FHIT: variants seen among roughly 807,000 people sequenced by gnomAD.
FHIT encodes the protein fragile histidine triad diadenosine triphosphatase, also known as bis(5'-adenosyl)-triphosphatase.
Under a neutral mutation model 17.9 loss-of-function variants are expected in FHIT, and 19 were observed. The ratio of observed to expected loss-of-function variants is 1.06; its 90% CI spans 0.74 to 1.56. The LOEUF is 1.56. Among genes scored for constraint, FHIT ranks in the 40% most tolerant of loss-of-function variants. The pLI, the probability that FHIT is intolerant of heterozygous loss-of-function variation, is 0.00. For missense variants in FHIT, 248 were observed against 189.2 expected (o/e 1.31, Z -1.82); for synonymous variants, 81 against 69.7 (o/e 1.16, Z -0.81).
intron 7 of FHIT, among the ~76,000 whole-genome samples, chr3:60,004,616 C>T (rs1444083450): frequency 6.6e-6 from 1 of 152,138 alleles, no homozygotes; most frequent in Non-Finnish European, 1.5e-5. Flanking sequence ...TGAGTTTCTT[C>T]TACTGTGATT....
chr3:60,719,902 T>C (rs1418501967), intron 4 of FHIT, among the ~76,000 whole-genome samples: 1 of 152,194 alleles, frequency 6.6e-6, no homozygotes, highest in Non-Finnish European at 1.5e-5. Flanking sequence ...CCAGATCTCC[T>C]GCAATGGCCA....
At chr3:60,211,763 G>A (rs1287647187) in intron 5 of FHIT, among the ~76,000 whole-genome samples, 2 of 152,074 alleles carry the variant, frequency 1.3e-5, no homozygotes, top group African/African-American at 4.8e-5. Context: ...ATAAGGATGT[G>A]AGATCAATGG....
chr3:61,172,951 C>G (rs2038050185), intron 2 of FHIT, among the ~76,000 whole-genome samples: 1 of 152,078 alleles, frequency 6.6e-6, no homozygotes, highest in African/African-American at 2.4e-5. Context: ...GCAGGCCTAG[C>G]CAAAACAAAG....
chr3:60,238,144 A>AAC (rs1704909071), intron 5 of FHIT, among the ~76,000 whole-genome samples: 1 of 8,444 alleles, frequency 1.2e-4, no homozygotes, highest in African/African-American at 1.8e-4. Flanking sequence ...ACTCCGTCTC[A>AAC]AAAAAAAAAA....
chr3:60,304,824 C>G (rs1708600975), intron 5 of FHIT, among the ~76,000 whole-genome samples: 1 of 152,066 alleles, frequency 6.6e-6, no homozygotes, highest in South Asian at 2.1e-4. Flanking sequence ...ATTAAGCAAC[C>G]AAGCTAAGCT....
At chr3:60,383,670 T>C (rs1700896368) in intron 5 of FHIT, among the ~76,000 whole-genome samples, 1 of 148,900 alleles carries the variant, frequency 6.7e-6, no homozygotes, top group South Asian at 2.1e-4. Flanking sequence ...AAAAAAAAAA[T>C]CATTTTGTCT....
intron 2 of FHIT, among the ~76,000 whole-genome samples, chr3:61,166,167 G>T (rs2037831692): frequency 6.6e-6 from 1 of 152,066 alleles, no homozygotes; most frequent in Admixed American, 6.6e-5. Context: ...ACTTAGATAG[G>T]TACAGAATTT....
intron 7 of FHIT, among the ~76,000 whole-genome samples, chr3:59,960,149 A>T (rs1270657707): frequency 6.6e-6 from 1 of 152,136 alleles, no homozygotes; most frequent in African/African-American, 2.4e-5. Context: ...AAAGGGGACA[A>T]CTGTGATTGT....
intron 5 of FHIT, among the ~76,000 whole-genome samples, chr3:60,302,081 G>GT (rs1708479109): frequency 6.6e-6 from 1 of 152,126 alleles, no homozygotes; most frequent in Non-Finnish European, 1.5e-5. Context: ...TTAAAAAGAA[G>GT]TATCAGGAGG....
At chr3:60,537,269 C>G (rs1026197760) in intron 4 of FHIT, among the ~76,000 whole-genome samples, 1 of 152,144 alleles carries the variant, frequency 6.6e-6, no homozygotes, top group East Asian at 1.9e-4. Flanking sequence ...CTTCACGGTG[C>G]CACCTTAACT....
chr3:60,073,076 G>T (rs1020304024), intron 5 of FHIT, among the ~76,000 whole-genome samples: 3 of 152,084 alleles, frequency 2.0e-5, no homozygotes, highest in Non-Finnish European at 1.5e-5. Flanking sequence ...TTCCTATTGG[G>T]GGAAATTTCT....
At chr3:60,240,629 C>G (rs939989617) in intron 5 of FHIT, among the ~76,000 whole-genome samples, 1 of 151,950 alleles carries the variant, frequency 6.6e-6, no homozygotes, top group Non-Finnish European at 1.5e-5. Flanking sequence ...TGCTATAGAA[C>G]AAAGAAAGAG....
At chr3:60,064,459 G>C (rs548598408) in intron 5 of FHIT, among the ~76,000 whole-genome samples, 17 of 152,274 alleles carry the variant, frequency 1.1e-4, no homozygotes, top group African/African-American at 3.9e-4. Flanking sequence ...AGAAGACTCT[G>C]TTTCCATGCT....
chr3:60,236,581 A>C (rs574605187), intron 5 of FHIT, among the ~76,000 whole-genome samples: 1 of 152,238 alleles, frequency 6.6e-6, no homozygotes, highest in East Asian at 1.9e-4. Flanking sequence ...TTTATCTGTA[A>C]GCAGTAGTTC....
intron 5 of FHIT, among the ~76,000 whole-genome samples, chr3:60,069,034 C>T (rs565437489): frequency 9.2e-5 from 14 of 152,060 alleles, no homozygotes; most frequent in Non-Finnish European, 2.1e-4. Flanking sequence ...TAATTGCTAT[C>T]CTAAGGACAA....
intron 3 of FHIT, among the ~76,000 whole-genome samples, chr3:60,915,650 T>C (rs1706957896): frequency 1.3e-5 from 2 of 152,134 alleles, no homozygotes; most frequent in Non-Finnish European, 2.9e-5. Flanking sequence ...ACCACCTCAA[T>C]ACTAGAAGTG....
intron 4 of FHIT, among the ~76,000 whole-genome samples, chr3:60,660,729 C>CTTTTTTTTGTTTTTTTTTTTTTTT (rs2040222821): frequency 2.7e-5 from 1 of 37,278 alleles, no homozygotes; most frequent in African/African-American, 8.2e-5. Context: ...TTATTGTGCT[C>CTTTTTTTTGTTTTTTTTTTTTTTT]TTTTTTTTTT....
intron 8 of FHIT, among the ~76,000 whole-genome samples, chr3:59,849,303 G>C (rs1559659918): frequency 6.6e-6 from 1 of 152,126 alleles, no homozygotes; most frequent in Admixed American, 6.5e-5. Flanking sequence ...AGCCTGGCAG[G>C]TGGAGGTTGC....
At chr3:60,081,265 T>C (rs2736780) in intron 5 of FHIT, among the ~76,000 whole-genome samples, 58,067 of 151,902 alleles carry the variant, frequency 0.38, 11,756 homozygotes, top group African/African-American at 0.51. Flanking sequence ...ATATACGTTT[T>C]GGGGGGTGGT....
Sources: gnomAD v4.1 joint callset for allele counts (sites outside exome capture counted in the v4.1 genomes callset) on GRCh38, gnomAD v4.1.1 for gene constraint, MANE v1.5 for transcripts, NCBI Gene and HGNC (gene_info 2026-07-23, HGNC 2026-07-21) for gene names.